The following CHN2 variants were observed in gnomAD, a reference collection of about 807,000 sequenced individuals.
CHN2 encodes the protein beta-chimaerin.
In CHN2, 35 loss-of-function variants were observed where a neutral mutation model predicts 56.3. That is an observed-to-expected ratio of 0.62 (90% CI 0.47 to 0.82). CHN2 has a LOEUF of 0.82. Among genes scored for constraint, CHN2 ranks in the 40% least tolerant of loss-of-function variants. The pLI, the probability that CHN2 is intolerant of heterozygous loss-of-function variation, is 0.00. For synonymous variants in CHN2, 210 were observed against 212.8 expected, an observed-to-expected ratio of 0.99 and a Z score of 0.12; for missense variants, 491 against 580.5, an observed-to-expected ratio of 0.85 and a Z score of 1.58.
At chr7:29,480,132 C>T (rs772843756) in intron 6 of CHN2, 147 bp from the exon 7 acceptor site, 4 of 1,558,214 alleles carry the variant, frequency 2.6e-6, no homozygotes, top group Non-Finnish European at 3.5e-6. Flanking sequence ...AGAACTGTGG[C>T]TGGAAAATGA....
intron 2 of CHN2, chr7:29,184,541 G>A (rs528263313): frequency 1.2e-4 from 19 of 152,180 alleles, no homozygotes; most frequent in Admixed American, 8.5e-4. Context: ...CAATGTTTCC[G>A]TTTGGATCTG....
At chr7:29,361,795 G>T (rs562926987) in intron 2 of CHN2, among the ~76,000 whole-genome samples, 1 of 152,174 alleles carries the variant, frequency 6.6e-6, no homozygotes, top group African/African-American at 2.4e-5. Context: ...TCTCTCAGCC[G>T]CTCAGGGTCT....
intron 2 of CHN2, among the ~76,000 whole-genome samples, chr7:29,173,964 G>C (rs1343483274): frequency 6.7e-6 from 1 of 150,070 alleles, no homozygotes; most frequent in Non-Finnish European, 1.5e-5. Context: ...AAAAAAAAAA[G>C]AATTTCTAAA....
chr7:29,375,978 G>A (rs1267305634), intron 3 of CHN2, among the ~76,000 whole-genome samples: 1 of 152,184 alleles, frequency 6.6e-6, no homozygotes, highest in Non-Finnish European at 1.5e-5. Flanking sequence ...TGGTTAAACT[G>A]TAACTGAGAA....
intron 1 of CHN2, among the ~76,000 whole-genome samples, chr7:29,305,445 T>A (rs1024378353): frequency 1.3e-5 from 2 of 152,086 alleles, no homozygotes; most frequent in Non-Finnish European, 2.9e-5. Flanking sequence ...GTCTCTTCTA[T>A]GATAAAGATC....
chr7:29,504,821 G>A lies in CHN2; in HGVS notation c.991G>A (p.Asp331Asn), dbSNP rs753134107. Reference protein sequence around the residue: ...IEDVKMAFDRDGEKADISANV... With the variant: ...IEDVKMAFDRNGEKADISANV... ...AGATGTCAAAATGGCATTTGACAGAGGTAAGCTTGTACTTTCTTGAATGCC... is the reference window on the plus strand; with the variant it reads ...AGATGTCAAAATGGCATTTGACAGAAGTAAGCTTGTACTTTCTTGAATGCC... Residue 331 changes from aspartate to asparagine, a missense_variant and splice_region_variant, in exon 10 of 13, where the codon GAT becomes AAT. Asp to Asn is a conservative substitution (Grantham distance 23). Coordinates refer to ENST00000222792, the MANE Select transcript of CHN2 (RefSeq NM_004067.4). 1 of 1,609,884 alleles carries A rather than the reference G, an allele frequency of 6.2e-7. No homozygotes were observed. The highest frequency in any genetic ancestry group is 1.1e-5 in the South Asian group (1 of 90,958).
At chr7:29,506,226 C>T (rs928193596) in intron 10 of CHN2, among the ~76,000 whole-genome samples, 3 of 152,052 alleles carry the variant, frequency 2.0e-5, no homozygotes, top group South Asian at 2.1e-4. Context: ...GGGTTGGAAA[C>T]GGAGCAGGTC....
At chr7:29,289,174 T>C (rs932249835) in intron 1 of CHN2, 1 of 152,230 alleles carries the variant, frequency 6.6e-6, no homozygotes, top group Non-Finnish European at 1.5e-5. Context: ...CTATTTGGCT[T>C]GTAGGTTGGA....
intron 2 of CHN2, among the ~76,000 whole-genome samples, chr7:29,365,977 C>T (rs765183159): frequency 2.0e-5 from 3 of 152,076 alleles, no homozygotes; most frequent in South Asian, 4.1e-4. Context: ...ACAGGTCTGT[C>T]GATGAACTGA....
intron 12 of CHN2, among the ~76,000 whole-genome samples, chr7:29,510,675 A>AC (rs1791207096): frequency 6.6e-6 from 1 of 152,156 alleles, no homozygotes. Context: ...AGCACCCAAT[A>AC]TGAGAGACAG....
intron 1 of CHN2, among the ~76,000 whole-genome samples, chr7:29,309,222 C>T (rs558153619): frequency 2.6e-4 from 39 of 152,210 alleles, no homozygotes; most frequent in African/African-American, 6.5e-4. Context: ...CTTTGGCCTA[C>T]GGTTCAAAAA....
At chr7:29,351,378 G>A (rs1036849793) in intron 1 of CHN2, among the ~76,000 whole-genome samples, 7 of 152,170 alleles carry the variant, frequency 4.6e-5, no homozygotes, top group African/African-American at 1.4e-4. Flanking sequence ...GGCTGGTGAC[G>A]CAGAAGTGAA....
chr7:29,301,553 A>G (rs1223237837), intron 1 of CHN2, among the ~76,000 whole-genome samples: 1 of 152,106 alleles, frequency 6.6e-6, no homozygotes, highest in Non-Finnish European at 1.5e-5. Flanking sequence ...AACCTGCTAC[A>G]TTGTAGAGAG....
intron 1 of CHN2, among the ~76,000 whole-genome samples, chr7:29,302,407 G>A (rs552542481): frequency 6.6e-6 from 1 of 151,558 alleles, no homozygotes; most frequent in South Asian, 2.1e-4. Flanking sequence ...TACTGCAGCT[G>A]CAAACTCCTG....
rs141914476 is a variant in CHN2 at position 29,394,070 on chromosome 7, T to C, written c.176+360T>C. On this transcript the variant is annotated intron_variant, in intron 4 of 12. Transcript: ENST00000222792. Reference sequence around the variant, plus strand: ...ATAGAAACGTTTGGTGTGTCCAAGATGGTACACTGTATGTGAGTTCCTGAC... The same window carrying C: ...ATAGAAACGTTTGGTGTGTCCAAGACGGTACACTGTATGTGAGTTCCTGAC... Among the ~76,000 whole-genome samples the C allele has an allele frequency of 2.2e-3, 332 of 152,272 alleles. 2 individuals are homozygous for C. The highest frequency in any genetic ancestry group is 7.7e-3 in the African/African-American group (318 of 41,530).
intron 1 of CHN2, among the ~76,000 whole-genome samples, chr7:29,254,848 G>A (rs1320929838): frequency 6.6e-6 from 1 of 152,134 alleles, no homozygotes; most frequent in East Asian, 1.9e-4. Context: ...TCTGGGAAAT[G>A]TAGTTTTTAG....
rs190355561 is a variant in CHN2, at chr7:29,215,985, G to A, written c.49+20995G>A. ...TTCTTAAAATCCCCAGGTGGAGTTT[G>A]TAACTACGCCTAAGTAATTCTCCAG... is the stretch of plus-strand genomic sequence containing the variant. On this transcript the variant is annotated intron_variant, in intron 1 of 12. Coordinates refer to ENST00000222792, the MANE Select transcript of CHN2 (RefSeq NM_004067.4). Among the ~76,000 whole-genome samples, 43 of 152,248 alleles carry A rather than the reference G, an allele frequency of 2.8e-4. No individual in the cohort carries two copies. In the East Asian group the frequency reaches 8.3e-3, roughly 29 times the overall value.
At chr7:29,505,942 CTT>C (rs1790513452) in intron 10 of CHN2, among the ~76,000 whole-genome samples, 11 of 152,176 alleles carry the variant, frequency 7.2e-5, no homozygotes, top group Admixed American at 5.9e-4. Context: ...ATCTTCTATG[CTT>C]TTACTGTTTT....
Position 29,211,450 on chromosome 7 carries a change from G to GCACACACA in CHN2, c.49+16497_49+16504dup, listed in dbSNP as rs148200755. 3.9e-3 allele frequency among the ~76,000 whole-genome samples: 545 copies of GCACACACA among 138,432 alleles called. 4 individuals carry two copies. Among genetic ancestry groups the GCACACACA allele is most frequent in the Middle Eastern group, 7.2e-3 (2 of 276 alleles). 90.8% of individuals were successfully genotyped at this position (138,432 alleles called of 152,430 possible). A position where few individuals can be genotyped will look rare whatever the true frequency, so the allele number is the denominator to read the frequency against. ...GACTAAACACAAATGCTGCATGTTGGCACACACACACACACACACACACAC... is the reference window on the plus strand; with the variant it reads ...GACTAAACACAAATGCTGCATGTTGGCACACACACACACACACACACACACACACACAC... On this transcript the variant is annotated intron_variant, in intron 1 of 12. Coordinates refer to ENST00000222792, the MANE Select transcript of CHN2 (RefSeq NM_004067.4).
Sources: gnomAD v4.1 joint callset for allele counts (sites outside exome capture counted in the v4.1 genomes callset) on GRCh38, gnomAD v4.1.1 for gene constraint, MANE v1.5 for transcripts, NCBI Gene and HGNC (gene_info 2026-07-23, HGNC 2026-07-21) for gene names.